HUWE1: variants seen among roughly 807,000 people sequenced by gnomAD.
HUWE1 encodes E3 ubiquitin-protein ligase HUWE1.
In HUWE1, 18 loss-of-function variants were observed where a neutral mutation model predicts 299.4. That is an observed-to-expected ratio of 0.06 (90% CI 0.04 to 0.09). The LOEUF is 0.09. Ranked by LOEUF, HUWE1 falls within the 10% of genes least tolerant of loss-of-function variation. The probability of loss-of-function intolerance (pLI) is 1.00; values close to 1 mark genes in which losing one functional copy is unlikely to be tolerated. For synonymous variants in HUWE1, 1,317 were observed against 1,286.1 expected, an observed-to-expected ratio of 1.02 and a Z score of -0.51; for missense variants, 1,832 against 3,462.3, an observed-to-expected ratio of 0.53 and a Z score of 11.82.
intron 25 of HUWE1, 78 bp from the exon 26 acceptor site, chrX:53,604,912 A>C: frequency 1.0e-6 from 1 of 997,506 alleles, no homozygotes; most frequent in Admixed American, 2.3e-5. Context: ...GTCACAATGG[A>C]AGTGACAATT....
intron 2 of HUWE1, among the ~76,000 whole-genome samples, chrX:53,682,979 C>A (rs925902222): frequency 6.3e-5 from 7 of 111,823 alleles, no homozygotes. Flanking sequence ...GCATGCAGAG[C>A]TAAGAAATCC....
At chrX:53,578,195 G>C (rs1328901753) in intron 43 of HUWE1, among the ~76,000 whole-genome samples, 3 of 102,903 alleles carry the variant, frequency 2.9e-5, no homozygotes, top group Admixed American at 1.0e-4. Flanking sequence ...GATGTGAGGA[G>C]CGCCTCTGCT....
At chrX:53,562,385 C>T in intron 53 of HUWE1, 141 bp from the exon 54 acceptor site, 10 of 779,782 alleles carry the variant, frequency 1.3e-5, no homozygotes, top group Non-Finnish European at 1.9e-5. Context: ...GATGTACAGA[C>T]TTAGTGAGCC....
intron 73 of HUWE1, chrX:53,542,806 G>T: frequency 2.7e-6 from 1 of 368,144 alleles, no homozygotes; most frequent in Non-Finnish European, 4.8e-6. Flanking sequence ...TGACCAGTCA[G>T]AACTAGCCTC....
chrX:53,562,973 T>C (rs1569446730), intron 52 of HUWE1, 44 bp from the exon 53 acceptor site: 24 of 1,091,275 alleles, frequency 2.2e-5, no homozygotes, highest in Non-Finnish European at 2.9e-5. Context: ...ACAGAGGACT[T>C]CCCTTTCCAG....
rs940003355 is a variant in HUWE1, at chrX:53,596,624, G to A, written c.3164-1221C>T. On this transcript the variant is annotated intron_variant, in intron 29 of 83. Coordinates refer to ENST00000262854, the MANE Select transcript of HUWE1 (RefSeq NM_031407.7). Reference sequence around the variant, plus strand: ...ACAATCTGCTTAAAACACTGTGTGAGGCTAAGCACTTCTACATGAACAGTT... The same window carrying A: ...ACAATCTGCTTAAAACACTGTGTGAAGCTAAGCACTTCTACATGAACAGTT... Among the ~76,000 whole-genome samples the A allele has an allele frequency of 1.3e-4, 14 of 111,885 alleles. 1 individual carries two copies. The highest frequency in any genetic ancestry group is 5.6e-5 in the Non-Finnish European group (3 of 53,207).
chrX:53,552,194 C>T, intron 63 of HUWE1, 117 bp downstream of exon 63: 2 of 862,751 alleles, frequency 2.3e-6, no homozygotes, highest in South Asian at 2.1e-5. Context: ...ATTGTCAGTC[C>T]TCCCACATAC....
intron 27 of HUWE1, 30 bp from the exon 28 acceptor site, chrX:53,602,688 A>AAC (rs2064928689): frequency 1.5e-6 from 1 of 674,871 alleles, no homozygotes. Context: ...GAGCAAAAGA[A>AAC]ATATATATAT....
intron 4 of HUWE1, 86 bp from the exon 5 acceptor site, chrX:53,648,396 A>C: frequency 5.5e-6 from 3 of 548,997 alleles, no homozygotes; most frequent in Non-Finnish European, 6.3e-6. Context: ...CCTTAAGCTC[A>C]CACAGCAATT....
In HUWE1 at chrX:53,548,164, C is replaced by G. The variant is rs782307186; in HGVS notation, c.10145G>C (p.Ser3382Thr). 4.1e-6 allele frequency: 5 copies of G among 1,207,571 alleles called. No individual in the cohort carries two copies. The highest frequency in any genetic ancestry group is 5.6e-6 in the Non-Finnish European group (5 of 893,722). The change falls in exon 68 of 84, where the codon AGT becomes ACT. Residue 3382 changes from serine to threonine, a missense_variant. Coordinates refer to ENST00000262854, the MANE Select transcript of HUWE1 (RefSeq NM_031407.7). ...GTCCCAGAAGTCTGTGCAAATGCCACTGCTGGAGGACTGTGAGGAGCATGG... is the reference window on the plus strand; with the variant it reads ...GTCCCAGAAGTCTGTGCAAATGCCAGTGCTGGAGGACTGTGAGGAGCATGG... ...CSPCSSQSSS[S>T]GICTDFWDLL...
chrX:53,573,347 C>T (rs2062930072), intron 47 of HUWE1, among the ~76,000 whole-genome samples: 1 of 109,296 alleles, frequency 9.1e-6, no homozygotes, highest in Non-Finnish European at 1.9e-5. Flanking sequence ...AAGTGATTCC[C>T]GCAATCTCTG....
intron 46 of HUWE1, among the ~76,000 whole-genome samples, chrX:53,574,819 G>C (rs782653477): frequency 8.9e-6 from 1 of 111,850 alleles, no homozygotes; most frequent in Non-Finnish European, 1.9e-5. Context: ...CATCCACCAC[G>C]TAAAGCATGT....
At chrX:53,629,372 C>T (rs1217491227) in intron 13 of HUWE1, 144 bp downstream of exon 13, 10 of 479,198 alleles carry the variant, frequency 2.1e-5, no homozygotes, top group South Asian at 8.9e-5. Flanking sequence ...CAATGAATTT[C>T]GTGTTTAAAC....
intron 28 of HUWE1, among the ~76,000 whole-genome samples, chrX:53,601,185 CTTTT>C (rs60443709): frequency 2.0e-5 from 2 of 101,451 alleles, no homozygotes; most frequent in African/African-American, 7.1e-5. Context: ...AGCCTGATAC[CTTTT>C]TTTTTTTTTG....
At chrX:53,553,156 G>A (rs1556930929) in intron 61 of HUWE1, among the ~76,000 whole-genome samples, 2 of 108,608 alleles carry the variant, frequency 1.8e-5, no homozygotes, top group African/African-American at 6.7e-5. Context: ...ATTTTTTTTT[G>A]GCAGGGGGAT....
intron 19 of HUWE1, among the ~76,000 whole-genome samples, chrX:53,619,463 G>T (rs1428748969): frequency 9.1e-6 from 1 of 109,422 alleles, no homozygotes; most frequent in African/African-American, 3.3e-5. Flanking sequence ...TGATAACCAA[G>T]AATTAGAATT....
chrX:53,629,395 C>T, intron 13 of HUWE1, 121 bp downstream of exon 13: 2 of 522,773 alleles, frequency 3.8e-6, no homozygotes, highest in Non-Finnish European at 6.8e-6. Flanking sequence ...GGGTCCCATG[C>T]CCAAGATGTC....
At chrX:53,672,387 C>T (rs2069597618) in intron 3 of HUWE1, among the ~76,000 whole-genome samples, 2 of 108,395 alleles carry the variant, frequency 1.8e-5, no homozygotes, top group Admixed American at 2.0e-4. Context: ...CTCAGCCTCC[C>T]GAGTAGCTGG....
At chrX:53,667,859 T>C (rs1202585644) in intron 3 of HUWE1, among the ~76,000 whole-genome samples, 2 of 111,812 alleles carry the variant, frequency 1.8e-5, no homozygotes, top group Admixed American at 9.4e-5. Flanking sequence ...ACAGCTTTCA[T>C]TGGCTTCTTA....
Sources: allele counts gnomAD v4.1 joint callset (sites outside exome capture counted in the v4.1 genomes callset), GRCh38; gene constraint gnomAD v4.1.1; transcripts MANE v1.5; gene names NCBI Gene and HGNC (gene_info 2026-07-23, HGNC 2026-07-21).